INSIG1: variants seen among roughly 807,000 people sequenced by gnomAD.
The protein encoded by INSIG1 is insulin induced gene 1.
Under a neutral mutation model 26.5 loss-of-function variants are expected in INSIG1, and 14 were observed. The observed-to-expected ratio is 0.53, with a 90% CI of 0.35 to 0.83. The LOEUF is 0.83. Ranked by LOEUF, INSIG1 falls within the 40% of genes least tolerant of loss-of-function variation. INSIG1 has a pLI of 0.01. For missense variants in INSIG1, 272 were observed against 368.9 expected, an observed-to-expected ratio of 0.74 and a Z score of 2.15; for synonymous variants, 147 against 153.3, an observed-to-expected ratio of 0.96 and a Z score of 0.30.
At position 155,302,672 on chromosome 7, in the gene INSIG1, C is replaced by T. The variant is rs1797822646; in HGVS notation, c.705-75C>T. 1 of 1,077,794 alleles carries T rather than the reference C, an allele frequency of 9.3e-7. No homozygotes were observed. The highest frequency in any genetic ancestry group is 1.6e-5 in the African/African-American group (1 of 63,930). The allele number at this position is 1,077,794 out of a possible 1,614,324, so 66.8% of individuals were successfully genotyped here. On this transcript the variant is annotated intron_variant, in intron 4 of 5. Transcript: ENST00000340368. This position sits in a 1 kb window ranked among gnomAD's most constrained non-coding sequence, Gnocchi z 4.3. The stretch of plus-strand genomic sequence containing the variant: ...TTGATATGCGTTCTGCATATCCCCA[C>T]TACAGAGAATCTGTGATGTAGAATT...
chr7:155,305,599 C>T (rs905367620), intron 5 of INSIG1, among the ~76,000 whole-genome samples: 2 of 152,286 alleles, frequency 1.3e-5, no homozygotes, highest in Non-Finnish European at 2.9e-5. Context: ...AGGGAGATGA[C>T]GAGAGTGAAG....
chr7:155,301,766 C>T, intron 3 of INSIG1, 76 bp downstream of exon 3: 1 of 1,311,448 alleles, frequency 7.6e-7, no homozygotes, highest in Non-Finnish European at 1.0e-6. Context: ...TTGTTATATA[C>T]TCAAATGACT....
intron 5 of INSIG1, among the ~76,000 whole-genome samples, chr7:155,305,669 C>T (rs570613529): frequency 3.9e-5 from 6 of 152,302 alleles, no homozygotes; most frequent in African/African-American, 9.6e-5. Flanking sequence ...GGACCAGACC[C>T]GCCCAGATCC....
In INSIG1 at chr7:155,298,606, C is replaced by A. The variant is rs1797698102; in HGVS notation, c.321C>A (p.Ile107=). ...VLALVLNLLQ[I]QRNVTLFPEE... is the part of the protein sequence containing the mutation. The stretch of plus-strand genomic sequence containing the variant: ...CCCTGGTGCTCAACCTGCTGCAGAT[C>A]CAGAGGAATGTCACTCTCTTCCCCG... The change falls in exon 2 of 6, where the codon ATC becomes ATA. Residue 107 remains isoleucine, a synonymous_variant. Coordinates refer to ENST00000340368, the MANE Select transcript of INSIG1 (RefSeq NM_005542.6). 6.2e-7 allele frequency: 1 copy of A among 1,613,402 alleles called. No individual in the cohort carries two copies. Among genetic ancestry groups the A allele is most frequent in the Non-Finnish European group, 8.5e-7 (1 of 1,179,932 alleles).
At chr7:155,299,011 A>G (rs893294748) in intron 2 of INSIG1, among the ~76,000 whole-genome samples, 1 of 152,234 alleles carries the variant, frequency 6.6e-6, no homozygotes, top group African/African-American at 2.4e-5. Flanking sequence ...GTCCGGGTAC[A>G]GCCCCAGCTG....
chr7:155,308,030 G>T (rs1050729589), intron 5 of INSIG1, among the ~76,000 whole-genome samples: 2 of 152,176 alleles, frequency 1.3e-5, no homozygotes, highest in African/African-American at 4.8e-5. Context: ...TGTGGCTCAC[G>T]GGGCCAGAGC....
chr7:155,303,297 C>T (rs1325035290), intron 5 of INSIG1, among the ~76,000 whole-genome samples: 2 of 152,208 alleles, frequency 1.3e-5, no homozygotes, highest in Non-Finnish European at 2.9e-5. Flanking sequence ...GCCTCTTAGT[C>T]CACAGTCAAG....
intron 5 of INSIG1, among the ~76,000 whole-genome samples, chr7:155,304,865 C>T (rs986729783): frequency 1.2e-4 from 18 of 151,856 alleles, no homozygotes; most frequent in African/African-American, 3.9e-4. Context: ...AGGCTGGGCG[C>T]GGTGGCTCAC....
At position 155,302,589 on chromosome 7, in the gene INSIG1, A is replaced by G. The variant is rs1473179952; in HGVS notation, c.705-158A>G. 2.1e-6 allele frequency: 2 copies of G among 932,570 alleles called. No individual in the cohort carries two copies. The highest frequency in any genetic ancestry group is 3.2e-6 in the Non-Finnish European group (2 of 624,722). The allele number at this position is 932,570 out of a possible 1,614,324, so 57.8% of individuals were successfully genotyped here. Reference sequence around the variant, plus strand: ...TCCATAACTTAATGTAACGCAAAGGAAAACCAAGTAGTAGCAGTTACAACC... The same window carrying G: ...TCCATAACTTAATGTAACGCAAAGGGAAACCAAGTAGTAGCAGTTACAACC... On this transcript the variant is annotated intron_variant, in intron 4 of 5. Coordinates refer to ENST00000340368, the MANE Select transcript of INSIG1 (RefSeq NM_005542.6). This position sits in a 1 kb window ranked among gnomAD's most constrained non-coding sequence, Gnocchi z 4.3.
chr7:155,304,997 A>G (rs1195874682), intron 5 of INSIG1, among the ~76,000 whole-genome samples: 1 of 150,656 alleles, frequency 6.6e-6, no homozygotes, highest in Non-Finnish European at 1.5e-5. Flanking sequence ...AAAAAAAAAA[A>G]TAGCCAGGCG....
chr7:155,298,217 C>G (rs1031088801), intron 1 of INSIG1, 42 bp from the exon 2 acceptor site: 52 of 1,378,262 alleles, frequency 3.8e-5, no homozygotes, highest in Non-Finnish European at 4.7e-5. Flanking sequence ...CTTCCTCGCT[C>G]TTTGTCTCTT....
intron 5 of INSIG1, among the ~76,000 whole-genome samples, chr7:155,303,541 C>T (rs145773058): frequency 9.2e-5 from 14 of 152,306 alleles, no homozygotes; most frequent in South Asian, 8.3e-4. Context: ...AGTGCTACCC[C>T]GCAGAGCTTC....
Position 155,302,975 on chromosome 7 carries a change from AGCTT to A in INSIG1, c.804+130_804+133del. 1 of 577,222 alleles carries A rather than the reference AGCTT, an allele frequency of 1.7e-6. No individual in the cohort carries two copies. The highest frequency in any genetic ancestry group is 3.1e-6 in the Non-Finnish European group (1 of 318,596). The allele number at this position is 577,222 out of a possible 1,614,324, so 35.8% of individuals were successfully genotyped here. On this transcript the variant is annotated intron_variant, in intron 5 of 5. Coordinates refer to ENST00000340368, the MANE Select transcript of INSIG1 (RefSeq NM_005542.6). The surrounding 1 kb of genome is among the most constrained non-coding windows in gnomAD (Gnocchi z 4.3). ...GACTTGAGTGACAACTACTGAGAAA[AGCTT>A]ATATTTAAAAAAATAGGTAATGATA...
At chr7:155,303,656 A>C (rs181063437) in intron 5 of INSIG1, among the ~76,000 whole-genome samples, 27 of 152,374 alleles carry the variant, frequency 1.8e-4, no homozygotes, top group Middle Eastern at 3.4e-3. Flanking sequence ...ATTTAAAAAC[A>C]TAGAGGTGGA....
intron 5 of INSIG1, among the ~76,000 whole-genome samples, 192 bp from the exon 6 acceptor site, chr7:155,308,049 C>T (rs888789150): frequency 3.3e-5 from 5 of 152,166 alleles, no homozygotes; most frequent in African/African-American, 9.6e-5. Context: ...GCCATGAAGA[C>T]GGTGCAGGGG....
Position 155,302,795 on chromosome 7 carries a change from A to C in INSIG1, c.753A>C (p.Ile251=). 1 of 1,612,756 alleles carries C rather than the reference A, an allele frequency of 6.2e-7. No individual in the cohort carries two copies. Among genetic ancestry groups the C allele is most frequent in the East Asian group, 2.2e-5 (1 of 44,854 alleles). Residue 251 remains isoleucine, a synonymous_variant, in exon 5 of 6, where the codon ATA becomes ATC. Transcript: ENST00000340368. The surrounding 1 kb of genome is among the most constrained non-coding windows in gnomAD (Gnocchi z 4.3). ...ATATTCGTTCTTGGCTCCCTTGTAT[A>C]TTTTTCTCAGGAGGCGTCACGGTGG... ...FLYIRSWLPC[I]FFSGGVTVGN...
intron 3 of INSIG1, 110 bp downstream of exon 3, chr7:155,301,800 G>A (rs2150896547): frequency 5.8e-6 from 6 of 1,034,214 alleles, no homozygotes; most frequent in Non-Finnish European, 7.8e-6. Context: ...CAGACATGAT[G>A]GTGGTACCTA....
Position 155,302,180 on chromosome 7 carries a change from AC to A in INSIG1, c.538-68del, listed in dbSNP as rs1585203576. 74 of 1,226,370 alleles carry A rather than the reference AC, an allele frequency of 6.0e-5. No individual in the cohort carries two copies. The East Asian group carries it at 1.8e-3, about 30-fold the overall frequency. The allele number at this position is 1,226,370 out of a possible 1,614,324, so 76.0% of individuals were successfully genotyped here. On this transcript the variant is annotated intron_variant, in intron 3 of 5. Transcript: ENST00000340368. The surrounding 1 kb of genome is among the most constrained non-coding windows in gnomAD (Gnocchi z 4.3). The stretch of plus-strand genomic sequence containing the variant: ...CAATAATAAAATACCCATGTTTTTA[AC>A]CCTTGTGGTTTTACGTTTTTTTATC...
At chr7:155,300,420 A>G (rs1040102138) in intron 2 of INSIG1, among the ~76,000 whole-genome samples, 3 of 150,804 alleles carry the variant, frequency 2.0e-5, no homozygotes, top group Non-Finnish European at 4.4e-5. Flanking sequence ...ATGAAGTATA[A>G]TAAATTGAAA....
Sources: allele counts gnomAD v4.1 joint callset (sites outside exome capture counted in the v4.1 genomes callset), GRCh38; gene constraint gnomAD v4.1.1; non-coding constraint Gnocchi (gnomAD v3.1); transcripts MANE v1.5; gene names NCBI Gene and HGNC (gene_info 2026-07-23, HGNC 2026-07-21).